CDH13: variants seen among roughly 807,000 people sequenced by gnomAD.
CDH13 encodes the protein cadherin 13, also known as cadherin-13.
Under a neutral mutation model 63.8 loss-of-function variants are expected in CDH13, and 24 were observed. The observed-to-expected ratio is 0.38, with a 90% confidence interval of 0.27 to 0.53. The LOEUF is 0.53. Ranked by LOEUF, CDH13 falls within the 20% of genes least tolerant of loss-of-function variation. The probability of loss-of-function intolerance (pLI) is 0.85; values close to 1 mark genes in which losing one functional copy is unlikely to be tolerated. For missense variants in CDH13, 1,049 were observed against 903.1 expected, an observed-to-expected ratio of 1.16 and a Z score of -2.07; for synonymous variants, 503 against 355.3, an observed-to-expected ratio of 1.42 and a Z score of -4.67.
chr16:83,635,678 G>A (rs1238972298), intron 8 of CDH13, among the ~76,000 whole-genome samples: 1 of 152,062 alleles, frequency 6.6e-6, no homozygotes, highest in Non-Finnish European at 1.5e-5. Flanking sequence ...TTTGAGTGTT[G>A]AGAGTCTTTT....
chr16:83,105,084 C>T (rs138071307), intron 3 of CDH13, among the ~76,000 whole-genome samples: 2 of 152,076 alleles, frequency 1.3e-5, no homozygotes, highest in Admixed American at 6.5e-5. Flanking sequence ...TGTGCCATGG[C>T]GGTTTGCTGC....
At position 82,858,343 on chromosome 16, in the gene CDH13, A is replaced by G. The variant is rs776104821; in HGVS notation, c.46-19A>G. On this transcript the variant is annotated intron_variant, in intron 1 of 13. Transcript: ENST00000567109. ...CACATAAGCCGCTATTAAAATATTG[A>G]TGGCTTTGGTTTTCTCAGGTGCTGC... is the stretch of plus-strand genomic sequence containing the variant. 2 of 1,546,998 alleles carry G rather than the reference A, an allele frequency of 1.3e-6. No homozygotes were observed. The highest frequency in any genetic ancestry group is 2.2e-5 in the South Asian group (2 of 89,410).
chr16:83,143,864 G>T (rs1417641840), intron 4 of CDH13, among the ~76,000 whole-genome samples: 7 of 152,056 alleles, frequency 4.6e-5, no homozygotes, highest in South Asian at 4.2e-4. Context: ...CTTGGAATTT[G>T]CTGCTTTGAA....
chr16:83,301,024 G>GTTTTTTTTTTTTTTT (rs1567574870), intron 5 of CDH13, among the ~76,000 whole-genome samples: 2 of 53,946 alleles, frequency 3.7e-5, no homozygotes, highest in African/African-American at 6.7e-5. Context: ...AACTTTCTGG[G>GTTTTTTTTTTTTTTT]GTTTTTTTTT....
chr16:83,715,548 CTG>C (rs892227077), intron 10 of CDH13, among the ~76,000 whole-genome samples: 31 of 152,356 alleles, frequency 2.0e-4, no homozygotes, highest in African/African-American at 7.0e-4. Context: ...CAATACTATC[CTG>C]TGTCTTAAAT....
intron 7 of CDH13, among the ~76,000 whole-genome samples, chr16:83,491,598 T>G (rs2074014041): frequency 6.6e-6 from 1 of 150,842 alleles, no homozygotes. Context: ...TTAATGGAAA[T>G]AGTTTCCAAA....
chr16:82,989,431 G>A (rs527579290), intron 2 of CDH13, among the ~76,000 whole-genome samples: 52 of 152,316 alleles, frequency 3.4e-4, no homozygotes, highest in African/African-American at 1.2e-3. Flanking sequence ...GGGAGATGAA[G>A]AAGCCACATG....
chr16:82,683,900 G>T (rs565083972), intron 1 of CDH13, among the ~76,000 whole-genome samples: 2 of 152,176 alleles, frequency 1.3e-5, no homozygotes, highest in Admixed American at 6.5e-5. Flanking sequence ...GATAAAAATT[G>T]TGCGCTTTTT....
At chr16:82,884,052 C>A (rs1013576693) in intron 2 of CDH13, 31 of 364,436 alleles carry the variant, frequency 8.5e-5, no homozygotes, top group African/African-American at 6.2e-4. Flanking sequence ...ATTATGACTA[C>A]AACACTTAAA....
chr16:82,791,061 T>C (rs769320768), intron 1 of CDH13, among the ~76,000 whole-genome samples: 1 of 152,026 alleles, frequency 6.6e-6, no homozygotes, highest in Non-Finnish European at 1.5e-5. Flanking sequence ...CACAGTGAAA[T>C]TCCGTCTTTA....
At chr16:82,706,326 G>A (rs2031486920) in intron 1 of CDH13, among the ~76,000 whole-genome samples, 1 of 152,138 alleles carries the variant, frequency 6.6e-6, no homozygotes. Flanking sequence ...AAGAAAAATG[G>A]CCAGCGAGTA....
rs146339933 is a variant in CDH13, at chr16:83,188,997, C to G, written c.484-28348C>G. Among the ~76,000 whole-genome samples the G allele has an allele frequency of 4.8e-3, 729 of 152,308 alleles. 6 individuals carry two copies. The highest frequency in any genetic ancestry group is 0.017 in the African/African-American group (703 of 41,572). On this transcript the variant is annotated intron_variant, in intron 4 of 13. Transcript: ENST00000567109. ...CTGGGATCTCAGTCATGGAAGTTCA[C>G]TGACATCTACTCATCCTGCATTAGT...
chr16:82,743,850 A>G (rs985102532), intron 1 of CDH13, among the ~76,000 whole-genome samples: 1 of 152,150 alleles, frequency 6.6e-6, no homozygotes, highest in Non-Finnish European at 1.5e-5. Context: ...ACATAGAAAA[A>G]TTTCAAGCTA....
intron 3 of CDH13, among the ~76,000 whole-genome samples, chr16:83,055,555 T>TA (rs2030837032): frequency 2.0e-5 from 3 of 150,384 alleles, no homozygotes; most frequent in African/African-American, 7.5e-5. Flanking sequence ...TACCAAAGCA[T>TA]ACCAAAAAAA....
At chr16:82,711,380 G>A (rs774613353) in intron 1 of CDH13, among the ~76,000 whole-genome samples, 2 of 152,100 alleles carry the variant, frequency 1.3e-5, no homozygotes, top group African/African-American at 2.4e-5. Context: ...AGCATTGAGC[G>A]GTGGCACTTG....
chr16:83,200,272 C>T (rs138370066), intron 4 of CDH13, among the ~76,000 whole-genome samples: 1 of 152,320 alleles, frequency 6.6e-6, no homozygotes, highest in East Asian at 1.9e-4. Flanking sequence ...TTTTCAACCC[C>T]AGGAAGCCTG....
At chr16:83,002,884 T>C (rs538068719) in intron 2 of CDH13, among the ~76,000 whole-genome samples, 2 of 152,292 alleles carry the variant, frequency 1.3e-5, no homozygotes, top group South Asian at 4.1e-4. Context: ...CAAGACCAGA[T>C]TATTTAGGGC....
intron 3 of CDH13, among the ~76,000 whole-genome samples, chr16:83,112,164 A>G (rs2035087425): frequency 6.6e-6 from 1 of 152,164 alleles, no homozygotes; most frequent in South Asian, 2.1e-4. Flanking sequence ...TTGTGTCTGC[A>G]TTAATTAATT....
intron 1 of CDH13, among the ~76,000 whole-genome samples, chr16:82,669,258 G>A (rs1912962386): frequency 6.6e-6 from 1 of 152,230 alleles, no homozygotes; most frequent in Non-Finnish European, 1.5e-5. Context: ...ATACGATGAA[G>A]TTCCAGATCC....
Sources: gnomAD v4.1 joint callset for allele counts (sites outside exome capture counted in the v4.1 genomes callset) on GRCh38, gnomAD v4.1.1 for gene constraint, MANE v1.5 for transcripts, NCBI Gene and HGNC (gene_info 2026-07-23, HGNC 2026-07-21) for gene names.